Variants in CHSY3 observed in about 807,000 individuals in gnomAD.
The protein encoded by CHSY3 is chondroitin sulfate synthase 3.
CHSY3 carries 35 observed loss-of-function variants against 67.2 expected under a neutral mutation model. The ratio of observed to expected loss-of-function variants is 0.52; its 90% CI spans 0.40 to 0.69. The LOEUF (loss-of-function observed/expected upper bound fraction) is 0.69. Ranked by LOEUF, CHSY3 falls within the 30% of genes least tolerant of loss-of-function variation. CHSY3 has a pLI of 0.00. For missense variants in CHSY3, 1,069 were observed against 1,138.5 expected, an observed-to-expected ratio of 0.94 and a Z score of 0.88; for synonymous variants, 474 against 434.7, an observed-to-expected ratio of 1.09 and a Z score of -1.12.
chr5:130,096,111 G>A (rs1216320680), intron 2 of CHSY3, among the ~76,000 whole-genome samples: 1 of 152,136 alleles, frequency 6.6e-6, no homozygotes, highest in Non-Finnish European at 1.5e-5. Flanking sequence ...AATGCAATAT[G>A]GGATCTTGAA....
chr5:130,007,318 A>G (rs1232631706), intron 2 of CHSY3, among the ~76,000 whole-genome samples: 4 of 152,130 alleles, frequency 2.6e-5, no homozygotes, highest in African/African-American at 7.2e-5. Flanking sequence ...CAAGATGGCT[A>G]ACTAGACACA....
intron 2 of CHSY3, among the ~76,000 whole-genome samples, chr5:130,131,882 C>G (rs533719548): frequency 2.0e-5 from 3 of 152,176 alleles, no homozygotes; most frequent in African/African-American, 7.2e-5. Flanking sequence ...ACTGCACATA[C>G]TGGTCCCAGA....
intron 2 of CHSY3, among the ~76,000 whole-genome samples, chr5:130,072,008 G>A (rs1021390679): frequency 1.1e-4 from 16 of 151,948 alleles, no homozygotes; most frequent in African/African-American, 3.6e-4. Context: ...TTTGAGAAAT[G>A]TCTGTTTAGA....
intron 2 of CHSY3, among the ~76,000 whole-genome samples, chr5:129,993,641 G>C (rs924430902): frequency 6.6e-6 from 1 of 151,906 alleles, no homozygotes; most frequent in Non-Finnish European, 1.5e-5. Flanking sequence ...TACAGCACAC[G>C]GATGGGTCTT....
In CHSY3 at chr5:130,115,620, T is replaced by C. The variant is rs566813112; in HGVS notation, c.1087-68609T>C. ...CATTCTCTTTGTTTCTGTAGTATCT[T>C]ATACTTCCACAAGATCTTCTGTCCA... On this transcript the variant is annotated intron_variant, in intron 2 of 2. Transcript: ENST00000305031. Among the ~76,000 whole-genome samples, 4 of 152,336 alleles carry C rather than the reference T, an allele frequency of 2.6e-5. No individual in the cohort carries two copies. In the South Asian group the frequency reaches 6.2e-4, roughly 24 times the overall value.
At chr5:130,144,334 A>G (rs1048862206) in intron 2 of CHSY3, among the ~76,000 whole-genome samples, 3 of 152,184 alleles carry the variant, frequency 2.0e-5, no homozygotes, top group African/African-American at 7.2e-5. Flanking sequence ...GCTGGATACA[A>G]AATCAACACA....
intron 2 of CHSY3, among the ~76,000 whole-genome samples, chr5:129,988,711 A>G (rs1162498939): frequency 3.3e-5 from 5 of 152,224 alleles, no homozygotes; most frequent in African/African-American, 4.8e-5. Context: ...CATTGGGCTA[A>G]TCAAGTCAAA....
chr5:129,937,491 C>A (rs558273411), intron 2 of CHSY3, among the ~76,000 whole-genome samples: 2 of 152,236 alleles, frequency 1.3e-5, no homozygotes, highest in African/African-American at 4.8e-5. Context: ...CCTGGACCCT[C>A]CCAAGTCTCA....
chr5:130,011,542 C>T (rs1764061557), intron 2 of CHSY3, among the ~76,000 whole-genome samples: 2 of 152,162 alleles, frequency 1.3e-5, no homozygotes, highest in Admixed American at 1.3e-4. Flanking sequence ...AACCTGGAAG[C>T]ATTCCTTTGA....
chr5:130,099,719 G>T (rs1767166409), intron 2 of CHSY3, among the ~76,000 whole-genome samples: 1 of 152,066 alleles, frequency 6.6e-6, no homozygotes, highest in African/African-American at 2.4e-5. Context: ...TTGTATAATT[G>T]GGGCAGAGCC....
intron 2 of CHSY3, among the ~76,000 whole-genome samples, chr5:130,137,810 A>G (rs1265427602): frequency 6.6e-6 from 1 of 152,244 alleles, no homozygotes; most frequent in African/African-American, 2.4e-5. Flanking sequence ...ACAGTTGTTT[A>G]CAGTAGCAAC....
intron 2 of CHSY3, among the ~76,000 whole-genome samples, chr5:129,909,876 T>G (rs1330600509): frequency 6.6e-6 from 1 of 151,934 alleles, no homozygotes; most frequent in African/African-American, 2.4e-5. Context: ...TAGTTAACAA[T>G]ATAGATGGGA....
In CHSY3 at chr5:129,908,019, A is replaced by G. The variant is rs889648205; in HGVS notation, c.803-58A>G. Reference sequence around the variant, plus strand: ...TTGAAAGTTCTGTCCCTTACCTTGTACATGATAAGTGATTATGAAATAAGG... The same window carrying G: ...TTGAAAGTTCTGTCCCTTACCTTGTGCATGATAAGTGATTATGAAATAAGG... On this transcript the variant is annotated intron_variant, in intron 1 of 2. Coordinates refer to ENST00000305031, the MANE Select transcript of CHSY3 (RefSeq NM_175856.5). 4.5e-6 allele frequency: 7 copies of G among 1,565,528 alleles called. No individual in the cohort carries two copies. In the African/African-American group the frequency reaches 9.6e-5, roughly 21 times the overall value.
chr5:130,122,880 G>C (rs1208440869), intron 2 of CHSY3, among the ~76,000 whole-genome samples: 1 of 152,168 alleles, frequency 6.6e-6, no homozygotes, highest in Non-Finnish European at 1.5e-5. Context: ...AAAATAGGGA[G>C]TCCATTTCTG....
chr5:130,048,846 G>A (rs946671975), intron 2 of CHSY3, among the ~76,000 whole-genome samples: 3 of 151,970 alleles, frequency 2.0e-5, no homozygotes, highest in Non-Finnish European at 4.4e-5. Flanking sequence ...AGTGGAATGG[G>A]GAGATGGTGG....
chr5:130,094,773 T>C (rs1249081692), intron 2 of CHSY3, among the ~76,000 whole-genome samples: 1 of 152,006 alleles, frequency 6.6e-6, no homozygotes, highest in Non-Finnish European at 1.5e-5. Flanking sequence ...ATAACCACAT[T>C]GGGGGATGGT....
At chr5:130,100,564 C>T (rs1261184629) in intron 2 of CHSY3, among the ~76,000 whole-genome samples, 2 of 152,034 alleles carry the variant, frequency 1.3e-5, no homozygotes, top group Non-Finnish European at 2.9e-5. Flanking sequence ...CTAGATTCCA[C>T]CTAAAGTTGA....
At chr5:130,141,597 AG>A (rs1204629147) in intron 2 of CHSY3, 23 of 501,910 alleles carry the variant, frequency 4.6e-5, no homozygotes, top group Non-Finnish European at 7.8e-5. Flanking sequence ...AGAAATACAG[AG>A]CTGAAGATGA....
intron 2 of CHSY3, among the ~76,000 whole-genome samples, chr5:130,015,841 A>G (rs1203938667): frequency 6.6e-6 from 1 of 152,204 alleles, no homozygotes; most frequent in African/African-American, 2.4e-5. Context: ...CTTGGTGCCC[A>G]TTAACGGTGG....
Sources: gnomAD v4.1 joint callset for allele counts (sites outside exome capture counted in the v4.1 genomes callset) on GRCh38, gnomAD v4.1.1 for gene constraint, MANE v1.5 for transcripts, NCBI Gene and HGNC (gene_info 2026-07-23, HGNC 2026-07-21) for gene names.